The following OGFR variants were observed in gnomAD, a reference collection of about 807,000 sequenced individuals.
OGFR encodes the protein protein 7-60.
Under a neutral mutation model 33.6 loss-of-function variants are expected in OGFR, and 18 were observed. The observed-to-expected ratio is 0.54, with a 90% CI of 0.37 to 0.80. OGFR has a LOEUF of 0.80. OGFR is among the 30% of genes least tolerant of loss of function. The probability of loss-of-function intolerance (pLI) is 0.00; values close to 1 mark genes in which losing one functional copy is unlikely to be tolerated. For synonymous variants in OGFR, 370 were observed against 400.7 expected (o/e 0.92, Z 0.91); for missense variants, 877 against 955.8 (o/e 0.92, Z 1.09).
chr20:62,807,788 G>C, intron 2 of OGFR, 183 bp downstream of exon 2: 1 of 631,312 alleles, frequency 1.6e-6, no homozygotes, highest in Non-Finnish European at 2.8e-6. Context: ...CCCCTCTCGC[G>C]GGAGACCGGG....
intron 2 of OGFR, chr20:62,807,810 A>G (rs1295596698): frequency 6.5e-6 from 4 of 615,208 alleles, no homozygotes; most frequent in Non-Finnish European, 1.2e-5. Context: ...GCATCCCCCT[A>G]CTTTTCTGAG....
intron 4 of OGFR, 27 bp downstream of exon 4, chr20:62,809,690 GGGGTT>G (rs1990680703): frequency 6.4e-7 from 1 of 1,559,576 alleles, no homozygotes; most frequent in Non-Finnish European, 8.8e-7. Context: ...GGGGGGATGG[GGGGTT>G]GGCGAGGCCA....
intron 4 of OGFR, 43 bp downstream of exon 4, chr20:62,809,706 CAG>C (rs3833337): frequency 0.028 from 35,379 of 1,256,964 alleles, 2,097 homozygotes; most frequent in East Asian, 0.24. Flanking sequence ...GGCGAGGCCA[CAG>C]GGGGAGGGCC....
intron 5 of OGFR, 60 bp downstream of exon 5, chr20:62,810,625 C>A: frequency 3.9e-6 from 6 of 1,533,192 alleles, no homozygotes; most frequent in Non-Finnish European, 4.5e-6. Flanking sequence ...CAAGCCACGC[C>A]GCTGCAGAGA....
At chr20:62,808,675 CA>C (rs1415112403) in intron 3 of OGFR, among the ~76,000 whole-genome samples, 3 of 152,044 alleles carry the variant, frequency 2.0e-5, no homozygotes, top group African/African-American at 7.2e-5. Flanking sequence ...TAAATGGTTG[CA>C]AAAAATTAAA....
Position 62,808,293 on chromosome 20 carries a change from T to C in OGFR, c.287T>C (p.Phe96Ser). Reference sequence around the variant, plus strand: ...AATGGGGACACGCCAAACCTGAGTTTCTACAGAAATGAGATCCGCTTCCTG... The same window carrying C: ...AATGGGGACACGCCAAACCTGAGTTCCTACAGAAATGAGATCCGCTTCCTG... ...DCNGDTPNLS[F>S]YRNEIRFLPN... Residue 96 changes from phenylalanine (F) to serine (S), a missense_variant, in exon 3 of 7, where the codon TTC becomes TCC. Phe to Ser is a radical substitution (Grantham distance 155). Around this residue, in one of 3 missense-constraint regions of OGFR, gnomAD observed 760 missense variants for 736.0 expected, o/e 1.03. Coordinates refer to ENST00000290291, the MANE Select transcript of OGFR (RefSeq NM_007346.4). The C allele has an allele frequency of 6.2e-7, 1 of 1,613,474 alleles. No individual in the cohort carries two copies. The highest frequency in any genetic ancestry group is 8.5e-7 in the Non-Finnish European group (1 of 1,179,926).
rs769380867 is a variant in OGFR, at chr20:62,813,597, C to T, written c.1982C>T (p.Ala661Val). ...GAGCCAGCCAAGGCGGGGGAGGCAGCAGAGTTGCAGGACGCAGAGGTGGAG... is the reference window on the plus strand; with the variant it reads ...GAGCCAGCCAAGGCGGGGGAGGCAGTAGAGTTGCAGGACGCAGAGGTGGAG... ...RDEPAKAGEA[A>V]ELQDAEVESS... The change falls in exon 7 of 7, where the codon GCA becomes GTA. Residue 661 changes from alanine (A) to valine (V), a missense_variant. By Grantham distance (64) the Ala-to-Val change is moderately conservative. This residue lies in a region of OGFR where 45 missense variants were observed against 38.0 expected (regional missense o/e 1.19). Transcript: ENST00000290291. 4 of 1,612,860 alleles carry T rather than the reference C, an allele frequency of 2.5e-6. No individual in the cohort carries two copies. The highest frequency in any genetic ancestry group is 3.4e-6 in the Non-Finnish European group (4 of 1,179,942).
Position 62,812,808 on chromosome 20 carries a change from AG to A in OGFR, c.1194del (p.Glu398AspfsTer15). On this transcript the variant is annotated frameshift_variant, in exon 7 of 7. Transcript: ENST00000290291. LOFTEE classifies it low-confidence loss of function (END_TRUNC). ...AGCCGGCGGGAGCAGCCGCCCACAG[AG>A]CCAGGCCCTCAGAGTGCCTCAGAGG... Reference protein sequence around the residue: ...ELSRREQPPTEPGPQSASEVE... With the variant: ...ELSRREQPPTXPGPQSASEVE... 6.2e-7 allele frequency: 1 copy of A among 1,612,652 alleles called. No homozygotes were observed. The highest frequency in any genetic ancestry group is 8.5e-7 in the Non-Finnish European group (1 of 1,179,866).
At chr20:62,809,235 C>T (rs943663316) in intron 3 of OGFR, among the ~76,000 whole-genome samples, 2 of 152,124 alleles carry the variant, frequency 1.3e-5, no homozygotes, top group African/African-American at 4.8e-5. Context: ...CTGTGGCTGA[C>T]GGGCCACGCT....
intron 2 of OGFR, 70 bp from the exon 3 acceptor site, chr20:62,808,177 A>G (rs1474105498): frequency 1.6e-6 from 2 of 1,237,466 alleles, no homozygotes; most frequent in Non-Finnish European, 1.2e-6. Flanking sequence ...GCCTCCCCGA[A>G]AGACACGGAG....
At chr20:62,812,138 G>GC in intron 6 of OGFR, 92 bp from the exon 7 acceptor site, 1 of 1,161,524 alleles carries the variant, frequency 8.6e-7, no homozygotes, top group Non-Finnish European at 1.2e-6. Flanking sequence ...GGGAGACCTC[G>GC]TGGAGCCGGG....
At chr20:62,807,958 C>T in intron 2 of OGFR, 4 of 600,952 alleles carry the variant, frequency 6.7e-6, no homozygotes, top group Non-Finnish European at 1.2e-5. Context: ...TCAGCCATTA[C>T]CCTCCACACC....
At chr20:62,807,284 C>G (rs6011398) in intron 1 of OGFR, 187,951 of 544,708 alleles carry the variant, frequency 0.35, 35,087 homozygotes, top group African/African-American at 0.48. Flanking sequence ...GAAGGAGCAG[C>G]CCCCCACCTG....
At chr20:62,806,457 T>G (rs1300703545) in intron 1 of OGFR, 1 of 152,120 alleles carries the variant, frequency 6.6e-6, no homozygotes, top group Non-Finnish European at 1.5e-5. Context: ...GGAGAATCGC[T>G]TAAACCTGGG....
chr20:62,811,222 G>A (rs1359847606), intron 5 of OGFR, among the ~76,000 whole-genome samples: 1 of 152,180 alleles, frequency 6.6e-6, no homozygotes, highest in Non-Finnish European at 1.5e-5. Flanking sequence ...AAATTAGCCA[G>A]GTGTGGTGGC....
rs749757275 is a variant in OGFR at position 62,804,900 on chromosome 20, A to C, written c.41A>C (p.Glu14Ala). 3.3e-5 allele frequency: 49 copies of C among 1,494,890 alleles called. No individual in the cohort carries two copies. The South Asian group carries it at 5.7e-4, about 17-fold the overall frequency. The allele number at this position is 1,494,890 out of a possible 1,614,324, so 92.6% of individuals were successfully genotyped here. A position where few individuals can be genotyped will look rare whatever the true frequency, so the allele number is the denominator to read the frequency against. Residue 14 changes from glutamate (E) to alanine (A), a missense_variant, in exon 1 of 7, where the codon GAG (glutamate) becomes GCG (alanine). Physicochemically the swap from Glu to Ala is moderately radical, Grantham distance 107 (BLOSUM62 -1). Coordinates refer to ENST00000290291, the MANE Select transcript of OGFR (RefSeq NM_007346.4). ...TGCGACTCCACCTGGGAGGAGGACG[A>C]GGAGGATGCGGAGGACGCGGAGGAC... ...PDCDSTWEED[E>A]EDAEDAEDED...
chr20:62,807,604 C>T lies in OGFR; in HGVS notation c.239C>T (p.Pro80Leu), dbSNP rs757955533. 1.3e-5 allele frequency: 21 copies of T among 1,610,136 alleles called. No homozygotes were observed. Among genetic ancestry groups the T allele is most frequent in the African/African-American group, 4.0e-5 (3 of 74,172 alleles). The change falls in exon 2 of 7, where the codon CCG becomes CTG. Residue 80 changes from proline (P) to leucine (L), a missense_variant and splice_region_variant. Physicochemically the swap from Pro to Leu is moderately conservative, Grantham distance 98 (BLOSUM62 -3). Transcript: ENST00000290291. ...ATGTGTAGGTATCGGCACAACTATC[C>T]GGTACGTACCTGCCCCTGCCCCGGG... ...RDMCRYRHNY[P>L]DLVERDCNGD...
At chr20:62,808,974 CAAAAAAAAAAAA>C (rs5842400) in intron 3 of OGFR, among the ~76,000 whole-genome samples, 4 of 68,414 alleles carry the variant, frequency 5.8e-5, no homozygotes, top group East Asian at 7.0e-4. Flanking sequence ...GACTCTGTCT[CAAAAAAAAAAAA>C]AAAAAAAAAA....
chr20:62,813,878 G>A lies in OGFR; in HGVS notation c.*229G>A, dbSNP rs1019310364. The A allele has an allele frequency of 3.3e-6, 2 of 598,070 alleles. No individual in the cohort carries two copies. The highest frequency in any genetic ancestry group is 5.9e-6 in the Non-Finnish European group (2 of 338,026). The allele number at this position is 598,070 out of a possible 1,614,324, so 37.0% of individuals were successfully genotyped here. A position where few individuals can be genotyped will look rare whatever the true frequency, so the allele number is the denominator to read the frequency against. ...GGCCTGGCTGTGTCTTCCCCACCCA[G>A]CTCTCCCCTGCGCCCCTGTCTTTGT... On this transcript the variant is annotated 3_prime_UTR_variant, in exon 7 of 7. Coordinates refer to ENST00000290291, the MANE Select transcript of OGFR (RefSeq NM_007346.4).
Sources: gnomAD v4.1 joint callset for allele counts (sites outside exome capture counted in the v4.1 genomes callset) on GRCh38, gnomAD v4.1.1 for gene constraint, gnomAD v4.1.1 regional missense constraint, MANE v1.5 for transcripts, NCBI Gene and HGNC (gene_info 2026-07-23, HGNC 2026-07-21) for gene names.